SLC44A1: variants seen among roughly 807,000 people sequenced by gnomAD.
SLC44A1 encodes the protein choline transporter-like protein 1.
In SLC44A1, 26 loss-of-function variants were observed where a neutral mutation model predicts 79.3. The ratio of observed to expected loss-of-function variants is 0.33; its 90% CI spans 0.24 to 0.46. The LOEUF (loss-of-function observed/expected upper bound fraction) is 0.46. Among genes scored for constraint, SLC44A1 ranks in the 20% least tolerant of loss-of-function variants. The pLI, the probability that SLC44A1 is intolerant of heterozygous loss-of-function variation, is 1.00. For synonymous variants in SLC44A1, 263 were observed against 286.2 expected (o/e 0.92, Z 0.82); for missense variants, 688 against 798.1 (o/e 0.86, Z 1.66).
rs183133131 is a variant in SLC44A1 at position 105,425,850 on chromosome 9, G to A, written c.1951-12431G>A. 9.2e-5 allele frequency among the ~76,000 whole-genome samples: 14 copies of A among 152,160 alleles called. 1 individual carries two copies. The East Asian group carries it at 9.6e-4, about 10-fold the overall frequency. On this transcript the variant is annotated intron_variant, in intron 15 of 15. Coordinates refer to the SLC44A1 transcript ENST00000374724. Reference sequence around the variant, plus strand: ...AACAAACAAACAAACAAAAAACCCTGTATATTTGGGAGCCTTGAGGCAGAA... The same window carrying A: ...AACAAACAAACAAACAAAAAACCCTATATATTTGGGAGCCTTGAGGCAGAA...
intron 5 of SLC44A1, among the ~76,000 whole-genome samples, chr9:105,352,611 A>C (rs1281608655): frequency 6.6e-6 from 1 of 152,186 alleles, no homozygotes; most frequent in East Asian, 1.9e-4. Context: ...AAGGTAGAAA[A>C]ACTTACTGTA....
chr9:105,333,997 T>C (rs1434738861), intron 3 of SLC44A1, among the ~76,000 whole-genome samples: 5 of 152,114 alleles, frequency 3.3e-5, no homozygotes, highest in Non-Finnish European at 7.4e-5. Flanking sequence ...GTCAAAGGCA[T>C]AGACATGCTT....
intron 15 of SLC44A1, among the ~76,000 whole-genome samples, chr9:105,422,013 A>G (rs369459634): frequency 4.6e-5 from 7 of 152,170 alleles, no homozygotes; most frequent in Non-Finnish European, 7.3e-5. Context: ...AGCATACTCA[A>G]GTGTTTCACT....
rs191610601 is a variant in SLC44A1, at chr9:105,305,603, G to A, written c.127-4121G>A. On this transcript the variant is annotated intron_variant, in intron 2 of 15. Transcript: ENST00000374720. ...TGAAGGAGGTGGTATCTGAGAAAAAGAGAGTCAATATATGTTTTCATTAAT... is the reference window on the plus strand; with the variant it reads ...TGAAGGAGGTGGTATCTGAGAAAAAAAGAGTCAATATATGTTTTCATTAAT... 3.3e-3 allele frequency among the ~76,000 whole-genome samples: 498 copies of A among 152,238 alleles called. 2 individuals are homozygous for A. Among genetic ancestry groups the A allele is most frequent in the Admixed American group, 7.7e-3 (117 of 15,290 alleles).
At chr9:105,387,145 A>G (rs1291348073) in intron 15 of SLC44A1, among the ~76,000 whole-genome samples, 3 of 148,280 alleles carry the variant, frequency 2.0e-5, no homozygotes, top group African/African-American at 7.4e-5. Context: ...CAGGGAGGCT[A>G]TATGTATATT....
chr9:105,356,524 A>C (rs1284926435), intron 6 of SLC44A1, 143 bp downstream of exon 6: 4 of 575,994 alleles, frequency 6.9e-6, no homozygotes, highest in African/African-American at 1.9e-5. Flanking sequence ...CAGATTATAT[A>C]TAGTTAAGAA....
At position 105,391,954 on chromosome 9, in the gene SLC44A1, A is replaced by G; in HGVS notation, c.*2898A>G. ...TGACCAGAGTATCGTGGTTTTTGCC[A>G]TCAGATAATTAAGGCTCTGGTGCAT... On this transcript the variant is annotated 3_prime_UTR_variant, in exon 16 of 16. Coordinates refer to ENST00000374720, the MANE Select transcript of SLC44A1 (RefSeq NM_080546.5). The G allele has an allele frequency of 3.0e-6, 3 of 985,364 alleles. No individual in the cohort carries two copies. The highest frequency in any genetic ancestry group is 3.6e-6 in the Non-Finnish European group (3 of 829,908). 61.0% of individuals were successfully genotyped at this position (985,364 alleles called of 1,614,324 possible).
At chr9:105,406,890 A>G (rs529969717) in intron 15 of SLC44A1, among the ~76,000 whole-genome samples, 20 of 152,300 alleles carry the variant, frequency 1.3e-4, no homozygotes, top group Middle Eastern at 3.4e-3. Flanking sequence ...TCAAGAGAAC[A>G]ATGTTTTACC....
chr9:105,367,922 G>T (rs1418107149), intron 12 of SLC44A1, among the ~76,000 whole-genome samples: 1 of 152,160 alleles, frequency 6.6e-6, no homozygotes, highest in Non-Finnish European at 1.5e-5. Flanking sequence ...GGTCTCCTCA[G>T]AAGCTAGCAC....
At chr9:105,280,700 G>T (rs1830329487) in intron 1 of SLC44A1, among the ~76,000 whole-genome samples, 1 of 152,122 alleles carries the variant, frequency 6.6e-6, no homozygotes, top group Admixed American at 6.5e-5. Context: ...TCCACAAAAA[G>T]AAAAACAAAT....
At chr9:105,271,613 CT>C (rs1390932225) in intron 1 of SLC44A1, among the ~76,000 whole-genome samples, 2 of 151,914 alleles carry the variant, frequency 1.3e-5, no homozygotes, top group Non-Finnish European at 2.9e-5. Context: ...AGATTGTGAT[CT>C]TTTTCTTTTT....
chr9:105,312,642 C>A (rs1007290127), intron 3 of SLC44A1, among the ~76,000 whole-genome samples: 9 of 152,162 alleles, frequency 5.9e-5, no homozygotes, highest in African/African-American at 1.9e-4. Context: ...ATTTATATTC[C>A]CACCAACAGT....
chr9:105,378,393 C>T (rs958880394), intron 13 of SLC44A1, among the ~76,000 whole-genome samples: 58 of 152,162 alleles, frequency 3.8e-4, no homozygotes, highest in African/African-American at 1.4e-3. Flanking sequence ...TTAATCAATC[C>T]TCAGGTTTTC....
Position 105,393,814 on chromosome 9 carries a change from A to G in SLC44A1, c.*4758A>G. 1 of 985,206 alleles carries G rather than the reference A, an allele frequency of 1.0e-6. No individual in the cohort carries two copies. The highest frequency in any genetic ancestry group is 1.2e-6 in the Non-Finnish European group (1 of 829,728). 61.0% of individuals were successfully genotyped at this position (985,206 alleles called of 1,614,324 possible). ...CCTATTAGGCTATTCTTCAGTTTTG[A>G]TGCTCAGTTTTACAACTTAAATGAT... On this transcript the variant is annotated 3_prime_UTR_variant, in exon 16 of 16. Transcript: ENST00000374720.
At chr9:105,308,891 C>T (rs892154265) in intron 2 of SLC44A1, among the ~76,000 whole-genome samples, 1 of 152,194 alleles carries the variant, frequency 6.6e-6, no homozygotes, top group African/African-American at 2.4e-5. Flanking sequence ...AGCTTGCTGT[C>T]AAGCGTAGGC....
At position 105,392,104 on chromosome 9, in the gene SLC44A1, A is replaced by ATT; in HGVS notation, c.*3049_*3050insTT. On this transcript the variant is annotated 3_prime_UTR_variant, in exon 16 of 16. Coordinates refer to ENST00000374720, the MANE Select transcript of SLC44A1 (RefSeq NM_080546.5). ...TGAGAGGCTTACCAGTGCATTAGTA[A>ATT]TAAAACATTAGCAATTTAGCTAGAG... The ATT allele has an allele frequency of 1.0e-6, 1 of 985,452 alleles. No individual in the cohort carries two copies. The highest frequency in any genetic ancestry group is 4.7e-5 in the South Asian group (1 of 21,288). The allele number at this position is 985,452 out of a possible 1,614,324, so 61.0% of individuals were successfully genotyped here. A position where few individuals can be genotyped will look rare whatever the true frequency, so the allele number is the denominator to read the frequency against.
chr9:105,393,135 G>A lies in SLC44A1; in HGVS notation c.*4079G>A, dbSNP rs1828803453. The A allele has an allele frequency of 5.1e-6, 5 of 985,420 alleles. No homozygotes were observed. The highest frequency in any genetic ancestry group is 6.0e-6 in the Non-Finnish European group (5 of 829,908). 61.0% of individuals were successfully genotyped at this position (985,420 alleles called of 1,614,324 possible). On this transcript the variant is annotated 3_prime_UTR_variant, in exon 16 of 16. Transcript: ENST00000374720. Reference sequence around the variant, plus strand: ...GTGAATGTATATTGAAAAAATGTGGGTTCATAAGTAAAAGCGTAACGCAGA... The same window carrying A: ...GTGAATGTATATTGAAAAAATGTGGATTCATAAGTAAAAGCGTAACGCAGA...
chr9:105,364,681 T>A lies in SLC44A1; in HGVS notation c.1214T>A (p.Met405Lys), dbSNP rs1410894805. 1 of 1,613,974 alleles carries A rather than the reference T, an allele frequency of 6.2e-7. No individual in the cohort carries two copies. Residue 405 changes from methionine (M) to lysine (K), a missense_variant, in exon 10 of 16, where the codon ATG (methionine) becomes AAG (lysine). By Grantham distance (95) the Met-to-Lys change is moderately conservative. Transcript: ENST00000374720. ...GAATTTATTCTAGCATGTCAGCAGATGACAGTGGCAGGAGCTGTGGTAACA... is the reference window on the plus strand; with the variant it reads ...GAATTTATTCTAGCATGTCAGCAGAAGACAGTGGCAGGAGCTGTGGTAACA... ...ISEFILACQQ[M>K]TVAGAVVTYY...
chr9:105,392,898 G>A lies in SLC44A1; in HGVS notation c.*3842G>A. On this transcript the variant is annotated 3_prime_UTR_variant, in exon 16 of 16. Coordinates refer to ENST00000374720, the MANE Select transcript of SLC44A1 (RefSeq NM_080546.5). Reference sequence around the variant, plus strand: ...CCTCTGAGAAGTTTCCTCCAGAAAGGTCTTTAAGCTTTCGCTTTTCAATAA... The same window carrying A: ...CCTCTGAGAAGTTTCCTCCAGAAAGATCTTTAAGCTTTCGCTTTTCAATAA... 1 of 985,134 alleles carries A rather than the reference G, an allele frequency of 1.0e-6. No individual in the cohort carries two copies. Among genetic ancestry groups the A allele is most frequent in the Non-Finnish European group, 1.2e-6 (1 of 829,756 alleles). The allele number at this position is 985,134 out of a possible 1,614,324, so 61.0% of individuals were successfully genotyped here.
Sources: gnomAD v4.1 joint callset for allele counts (sites outside exome capture counted in the v4.1 genomes callset) on GRCh38, gnomAD v4.1.1 for gene constraint, MANE v1.5 for transcripts, NCBI Gene and HGNC (gene_info 2026-07-23, HGNC 2026-07-21) for gene names.